ARHGEF1: variants seen among roughly 807,000 people sequenced by gnomAD.
ARHGEF1 encodes 115 kDa guanine nucleotide exchange factor.
Under a neutral mutation model 119.7 loss-of-function variants are expected in ARHGEF1, and 40 were observed. That is an observed-to-expected ratio of 0.33 (90% CI 0.26 to 0.44). ARHGEF1 has a LOEUF of 0.44. ARHGEF1 is among the 20% of genes least tolerant of loss of function. The pLI, the probability that ARHGEF1 is intolerant of heterozygous loss-of-function variation, is 1.00. For synonymous variants in ARHGEF1, 494 were observed against 521.0 expected (o/e 0.95, Z 0.71); for missense variants, 976 against 1,268.3 (o/e 0.77, Z 3.50).
intron 18 of ARHGEF1, among the ~76,000 whole-genome samples, chr19:41,912,616 G>A (rs1166940880): frequency 6.6e-6 from 1 of 152,150 alleles, no homozygotes; most frequent in Non-Finnish European, 1.5e-5. Context: ...ACTCACTTCC[G>A]TACCCTCCCA....
intron 1 of ARHGEF1, among the ~76,000 whole-genome samples, chr19:41,927,841 C>G (rs564740208): frequency 6.6e-6 from 1 of 152,054 alleles, no homozygotes; most frequent in African/African-American, 2.4e-5. Context: ...TAGCGCTACC[C>G]GCCTCCCACC....
chr19:41,892,807 G>C lies in ARHGEF1; in HGVS notation c.572G>C (p.Arg191Pro). The change falls in exon 7 of 29, where the codon CGG (arginine) becomes CCG (proline). Residue 191 changes from arginine (R) to proline (P), a missense_variant. By Grantham distance (103) the Arg-to-Pro change is moderately radical. Around this residue, in one of 3 missense-constraint regions of ARHGEF1, gnomAD observed 519 missense variants for 580.9 expected, o/e 0.89. Coordinates refer to ENST00000354532, the MANE Select transcript of ARHGEF1 (RefSeq NM_004706.4). The surrounding 1 kb of genome is among the most constrained non-coding windows in gnomAD (Gnocchi z 6.3). ...RDRASYEARE[R>P]HVAERLLMHL... ...CGAGCCAGCTACGAGGCCCGGGAGC[G>C]GCACGTGGCGGAGCGGCTGCTCATG... 1 of 1,588,820 alleles carries C rather than the reference G, an allele frequency of 6.3e-7. No homozygotes were observed. Among genetic ancestry groups the C allele is most frequent in the Non-Finnish European group, 8.5e-7 (1 of 1,170,776 alleles).
chr19:41,920,755 G>T (rs1555852410), upstream of ARHGEF1, among the ~76,000 whole-genome samples: 1 of 152,230 alleles, frequency 6.6e-6, no homozygotes, highest in Non-Finnish European at 1.5e-5. Flanking sequence ...CACTGTGCAG[G>T]ACACACAGAG....
Position 41,892,296 on chromosome 19 carries a change from G to T in ARHGEF1, c.325-35G>T, listed in dbSNP as rs373449013. On this transcript the variant is annotated intron_variant, in intron 5 of 28. Coordinates refer to ENST00000354532, the MANE Select transcript of ARHGEF1 (RefSeq NM_004706.4). The surrounding 1 kb of genome is among the most constrained non-coding windows in gnomAD (Gnocchi z 6.3). ...CCCGGCCTGCATCTCAGCACACCAA[G>T]TCCTCCTCTTCACCCCATTCTCTCT... 2 of 1,612,908 alleles carry T rather than the reference G, an allele frequency of 1.2e-6. No homozygotes were observed. Among genetic ancestry groups the T allele is most frequent in the African/African-American group, 2.7e-5 (2 of 74,924 alleles).
chr19:41,925,490 GAC>G (rs2074866335), intron 1 of ARHGEF1, among the ~76,000 whole-genome samples: 1 of 152,158 alleles, frequency 6.6e-6, no homozygotes, highest in African/African-American at 2.4e-5. Flanking sequence ...GAGAGGCAAA[GAC>G]AGTGCAAGAA....
chr19:41,912,928 C>T (rs1463141684), intron 18 of ARHGEF1: 28 of 1,230,084 alleles, frequency 2.3e-5, no homozygotes, highest in Non-Finnish European at 2.8e-5. Context: ...ATGGCGGAGC[C>T]GGCCCTGCAG....
intron 1 of ARHGEF1, among the ~76,000 whole-genome samples, chr19:41,924,064 G>A (rs1429485212): frequency 3.3e-5 from 5 of 149,446 alleles, no homozygotes; most frequent in African/African-American, 1.2e-4. Context: ...CAGCTTGTGG[G>A]GGAGGTGGGG....
intron 1 of ARHGEF1, among the ~76,000 whole-genome samples, chr19:41,886,182 A>C (rs1555845226): frequency 6.6e-6 from 1 of 152,156 alleles, no homozygotes; most frequent in African/African-American, 2.4e-5. Context: ...TCTTGGAGTC[A>C]CCGAGAGGAT....
chr19:41,927,263 C>A (rs1555853349), intron 1 of ARHGEF1, among the ~76,000 whole-genome samples: 1 of 152,074 alleles, frequency 6.6e-6, no homozygotes, highest in Non-Finnish European at 1.5e-5. Context: ...AAGGGTGTCC[C>A]AGAGGGCCCC....
At chr19:41,918,181 G>A (rs927805406), upstream of ARHGEF1, among the ~76,000 whole-genome samples, 2 of 151,636 alleles carry the variant, frequency 1.3e-5, no homozygotes, top group South Asian at 2.1e-4. Flanking sequence ...TGCCTGGGGT[G>A]TACACATACC....
rs1476891854 is a variant in ARHGEF1 at position 41,905,662 on chromosome 19, G to A, written c.2337-98G>A. 6.1e-5 allele frequency: 79 copies of A among 1,297,670 alleles called. No homozygotes were observed. Among genetic ancestry groups the A allele is most frequent in the Non-Finnish European group, 8.3e-5 (76 of 915,846 alleles). 80.4% of individuals were successfully genotyped at this position (1,297,670 alleles called of 1,614,324 possible). On this transcript the variant is annotated intron_variant, in intron 24 of 28. Transcript: ENST00000354532. This position sits in a 1 kb window ranked among gnomAD's most constrained non-coding sequence, Gnocchi z 6.4. Reference sequence around the variant, plus strand: ...GGCCTCGACCTCTGTCTCTGTCTCCGGACCTCCCTGCCTCCCCACCTCCAG... The same window carrying A: ...GGCCTCGACCTCTGTCTCTGTCTCCAGACCTCCCTGCCTCCCCACCTCCAG...
upstream of ARHGEF1, among the ~76,000 whole-genome samples, chr19:41,920,135 T>C (rs2074831658): frequency 1.0e-5 from 1 of 99,640 alleles, no homozygotes; most frequent in African/African-American, 4.3e-5. Context: ...ACACATGCGC[T>C]CACAGACATG....
At position 41,903,789 on chromosome 19, in the gene ARHGEF1, G is replaced by T; in HGVS notation, c.1917+5G>T. On this transcript the variant is annotated splice_donor_5th_base_variant and intron_variant, in intron 20 of 28. Transcript: ENST00000354532. The surrounding 1 kb of genome is among the most constrained non-coding windows in gnomAD (Gnocchi z 4.2). Reference sequence around the variant, plus strand: ...CCTATGCTGAGCGAGTTCAAGGTGTGACCATACCCTCCTGCCTCCCCCGCC... The same window carrying T: ...CCTATGCTGAGCGAGTTCAAGGTGTTACCATACCCTCCTGCCTCCCCCGCC... The T allele has an allele frequency of 6.2e-7, 1 of 1,612,800 alleles. No individual in the cohort carries two copies. Among genetic ancestry groups the T allele is most frequent in the Non-Finnish European group, 8.5e-7 (1 of 1,179,928 alleles).
Position 41,903,565 on chromosome 19 carries a change from C to T in ARHGEF1, c.1840-142C>T. On this transcript the variant is annotated intron_variant, in intron 19 of 28. Transcript: ENST00000354532. This position sits in a 1 kb window ranked among gnomAD's most constrained non-coding sequence, Gnocchi z 4.2. ...TTGGCTTGGCCCTCAGCATCTCCCT[C>T]TCAGGGTCATTGGAGGTCAGGCCCA... The T allele has an allele frequency of 2.7e-6, 3 of 1,114,224 alleles. No individual in the cohort carries two copies. Among genetic ancestry groups the T allele is most frequent in the Non-Finnish European group, 3.9e-6 (3 of 764,174 alleles). The allele number at this position is 1,114,224 out of a possible 1,614,324, so 69.0% of individuals were successfully genotyped here.
At chr19:41,885,012 T>C (rs553943484) in intron 1 of ARHGEF1, among the ~76,000 whole-genome samples, 1 of 152,262 alleles carries the variant, frequency 6.6e-6, no homozygotes, top group South Asian at 2.1e-4. Context: ...CAACACATTA[T>C]AGACCCTGAG....
chr19:41,893,242 A>G, intron 7 of ARHGEF1, 32 bp from the exon 8 acceptor site: 1 of 1,612,164 alleles, frequency 6.2e-7, no homozygotes, highest in Non-Finnish European at 8.5e-7. Flanking sequence ...GGCCTAGCAA[A>G]TATGTCACAA....
At chr19:41,898,688 C>T in intron 14 of ARHGEF1, 101 bp downstream of exon 14, 1 of 1,409,246 alleles carries the variant, frequency 7.1e-7, no homozygotes, top group Non-Finnish European at 9.4e-7. Flanking sequence ...GTGTCATTTA[C>T]CATCGGGAGA....
At chr19:41,928,019 C>A (rs1337506109) in intron 1 of ARHGEF1, 1 of 152,188 alleles carries the variant, frequency 6.6e-6, no homozygotes, top group East Asian at 1.9e-4. Context: ...CGCCCCTGCG[C>A]CGGCCGCGGC....
At position 41,883,616 on chromosome 19, in the gene ARHGEF1, C is replaced by T. The variant is rs1375337796; in HGVS notation, c.-20+327C>T. Among the ~76,000 whole-genome samples the T allele has an allele frequency of 1.3e-5, 2 of 151,936 alleles. 1 individual carries two copies. The highest frequency in any genetic ancestry group is 4.8e-5 in the African/African-American group (2 of 41,366). Reference sequence around the variant, plus strand: ...GGCCCGGGGAGCCAAACCGACTCGTCCCAGGGAACGCACATCGTGAGAAAG... The same window carrying T: ...GGCCCGGGGAGCCAAACCGACTCGTTCCAGGGAACGCACATCGTGAGAAAG... On this transcript the variant is annotated intron_variant, in intron 1 of 28. Coordinates refer to ENST00000354532, the MANE Select transcript of ARHGEF1 (RefSeq NM_004706.4). This position sits in a 1 kb window ranked among gnomAD's most constrained non-coding sequence, Gnocchi z 7.6.
Sources: gnomAD v4.1 joint callset for allele counts (sites outside exome capture counted in the v4.1 genomes callset) on GRCh38, gnomAD v4.1.1 for gene constraint, gnomAD v4.1.1 regional missense constraint, Gnocchi (gnomAD v3.1) non-coding constraint, MANE v1.5 for transcripts, NCBI Gene and HGNC (gene_info 2026-07-23, HGNC 2026-07-21) for gene names.